USP34: variants seen among roughly 807,000 people sequenced by gnomAD.
The protein encoded by USP34 is ubiquitin carboxyl-terminal hydrolase 34.
A neutral mutation model predicts 460.3 loss-of-function variants in USP34; 70 were observed. The ratio of observed to expected loss-of-function variants is 0.15; its 90% confidence interval spans 0.13 to 0.19. The LOEUF (loss-of-function observed/expected upper bound fraction) is 0.19, where lower values mean the gene tolerates loss of function less well. USP34 is among the 10% of genes least tolerant of loss of function. The pLI is 1.00. For synonymous variants in USP34, 1,647 were observed against 1,405.3 expected (o/e 1.17, Z -3.85); for missense variants, 3,985 against 4,236.2 (o/e 0.94, Z 1.65).
At chr2:61,465,377 C>G (rs1426114943) in intron 1 of USP34, among the ~76,000 whole-genome samples, 1 of 152,166 alleles carries the variant, frequency 6.6e-6, no homozygotes, top group East Asian at 1.9e-4. Context: ...TATTAATACT[C>G]TCACCAAAAA....
intron 6 of USP34, among the ~76,000 whole-genome samples, chr2:61,381,219 AAAT>A (rs1692962702): frequency 6.7e-5 from 8 of 119,736 alleles, no homozygotes; most frequent in African/African-American, 2.0e-4. Context: ...AAAAAAAAAT[AAAT>A]AAATAAAAAA....
intron 50 of USP34, 110 bp downstream of exon 50, chr2:61,246,214 T>C: frequency 1.2e-6 from 1 of 839,366 alleles, no homozygotes; most frequent in Admixed American, 4.0e-5. Flanking sequence ...AAAAATTTTG[T>C]CTGCCTCATT....
intron 24 of USP34, 46 bp from the exon 25 acceptor site, chr2:61,314,790 T>A: frequency 6.3e-7 from 1 of 1,581,632 alleles, no homozygotes; most frequent in South Asian, 1.2e-5. Flanking sequence ...TATATTCTTG[T>A]TTAGCTATAT....
rs13004855 is a variant in USP34, at chr2:61,277,937, C to T, written c.5433+228G>A. The T allele has an allele frequency of 0.34, 157,427 of 461,284 alleles. 27,869 individuals are homozygous for T. Among genetic ancestry groups the T allele is most frequent in the Non-Finnish European group, 0.37 (96,964 of 264,612 alleles). The allele number at this position is 461,284 out of a possible 1,614,324, so 28.6% of individuals were successfully genotyped here. A position where few individuals can be genotyped will look rare whatever the true frequency, so the allele number is the denominator to read the frequency against. ...TCATTCTTTTTTTGCCTGCCGCCAT[C>T]CACATAAGATGCGACTTGCTCGGAC... On this transcript the variant is annotated intron_variant, in intron 41 of 79. Coordinates refer to ENST00000398571, the MANE Select transcript of USP34 (RefSeq NM_014709.4).
chr2:61,323,464 G>A (rs1392860475), intron 21 of USP34, among the ~76,000 whole-genome samples: 4 of 148,986 alleles, frequency 2.7e-5, no homozygotes, highest in Non-Finnish European at 4.4e-5. Flanking sequence ...GCAGGGAGCC[G>A]AGATTGTGCC....
chr2:61,369,813 AAAAG>A (rs1249826514), intron 10 of USP34, among the ~76,000 whole-genome samples: 4 of 151,722 alleles, frequency 2.6e-5, no homozygotes, highest in African/African-American at 9.7e-5. Flanking sequence ...ACATTTGTGA[AAAAG>A]AAAGAGGAAG....
intron 2 of USP34, among the ~76,000 whole-genome samples, chr2:61,412,204 A>G (rs915806802): frequency 6.6e-5 from 10 of 150,906 alleles, no homozygotes; most frequent in African/African-American, 1.9e-4. Context: ...AAAAAAAAAA[A>G]AAAGAAAAGG....
chr2:61,241,061 T>G (rs909456466), intron 53 of USP34, among the ~76,000 whole-genome samples: 7 of 152,042 alleles, frequency 4.6e-5, no homozygotes, highest in African/African-American at 1.5e-4. Flanking sequence ...TTAAATTTTT[T>G]TGAGATGGAG....
intron 41 of USP34, among the ~76,000 whole-genome samples, chr2:61,269,993 A>G (rs1465338865): frequency 6.6e-6 from 1 of 152,212 alleles, no homozygotes; most frequent in African/African-American, 2.4e-5. Context: ...CTACTATGCT[A>G]CTGAGCACTA....
At chr2:61,457,484 T>C (rs1212222704) in intron 1 of USP34, among the ~76,000 whole-genome samples, 1 of 152,238 alleles carries the variant, frequency 6.6e-6, no homozygotes, top group Non-Finnish European at 1.5e-5. Context: ...AACGGTTTTT[T>C]CTGGTCCTTG....
chr2:61,340,365 A>G (rs1006224628), intron 16 of USP34, among the ~76,000 whole-genome samples: 2 of 152,174 alleles, frequency 1.3e-5, no homozygotes, highest in African/African-American at 4.8e-5. Flanking sequence ...AAACTACCAT[A>G]AACATCTGTG....
rs544122118 is a variant in USP34 at position 61,399,746 on chromosome 2, G to A, written c.553-4513C>T. 5.3e-5 allele frequency among the ~76,000 whole-genome samples: 8 copies of A among 151,522 alleles called. No homozygotes were observed. In the East Asian group the frequency reaches 1.4e-3, roughly 26 times the overall value. On this transcript the variant is annotated intron_variant, in intron 3 of 79. Coordinates refer to ENST00000398571, the MANE Select transcript of USP34 (RefSeq NM_014709.4). ...AAATTAGCCAGGCGTGGTGGCGGGC[G>A]CCTGTAATCCCAACTACTCGGGACG...
At chr2:61,258,063 G>A (rs1156807099) in intron 44 of USP34, among the ~76,000 whole-genome samples, 2 of 151,986 alleles carry the variant, frequency 1.3e-5, no homozygotes, top group African/African-American at 2.4e-5. Flanking sequence ...CTGTTAAAAG[G>A]AGATTAAAGG....
chr2:61,256,837 G>A, intron 47 of USP34, 36 bp downstream of exon 47: 2 of 1,488,782 alleles, frequency 1.3e-6, no homozygotes, highest in Non-Finnish European at 9.0e-7. Flanking sequence ...ATAGGTAAAA[G>A]CATAAAGTAA....
intron 1 of USP34, among the ~76,000 whole-genome samples, chr2:61,427,119 C>G (rs920175311): frequency 6.6e-6 from 1 of 152,174 alleles, no homozygotes; most frequent in Non-Finnish European, 1.5e-5. Flanking sequence ...GCTCTGCCTC[C>G]CAGGTTCACA....
At chr2:61,195,842 C>G (rs577456583) in intron 75 of USP34, among the ~76,000 whole-genome samples, 41 of 152,186 alleles carry the variant, frequency 2.7e-4, no homozygotes, top group Admixed American at 6.6e-4. Context: ...GGCAAGCAGA[C>G]TGTATACTAC....
rs763577347 is a variant in USP34 at position 61,188,579 on chromosome 2, A to C, written c.10164T>G (p.Asn3388Lys). ...CAATAATTGAGGAGTCTCTGGTCTC[A>C]TTGTCAGAAGTGCTCGTTGGGGTCA... ...EVLTPTSTSD[N>K]ETRDSSIIDP... Residue 3388 changes from asparagine to lysine, a missense_variant, in exon 80 of 80, where the codon AAT (asparagine) becomes AAG (lysine). Physicochemically the swap from Asn to Lys is moderately conservative, Grantham distance 94. Transcript: ENST00000398571. The C allele has an allele frequency of 1.9e-6, 3 of 1,614,160 alleles. No homozygotes were observed. In the South Asian group the frequency reaches 3.3e-5, roughly 18 times the overall value.
intron 1 of USP34, among the ~76,000 whole-genome samples, chr2:61,435,307 CAA>C (rs59158283): frequency 2.1e-3 from 85 of 40,950 alleles, no homozygotes; most frequent in South Asian, 3.2e-3. Context: ...GACCTTGTTT[CAA>C]AAAAAAAAAA....
At chr2:61,251,174 C>G (rs574660733) in intron 48 of USP34, among the ~76,000 whole-genome samples, 1 of 152,058 alleles carries the variant, frequency 6.6e-6, no homozygotes, top group African/African-American at 2.4e-5. Context: ...AATAAATAAA[C>G]GAATCTACTG....
Sources: gnomAD v4.1 joint callset for allele counts (sites outside exome capture counted in the v4.1 genomes callset) on GRCh38, gnomAD v4.1.1 for gene constraint, MANE v1.5 for transcripts, NCBI Gene and HGNC (gene_info 2026-07-23, HGNC 2026-07-21) for gene names.